The following AVL9 variants were observed in gnomAD, a reference collection of about 807,000 sequenced individuals.
AVL9 encodes the protein late secretory pathway protein AVL9 homolog.
AVL9 carries 49 observed loss-of-function variants against 79.2 expected under a neutral mutation model. The observed-to-expected ratio is 0.62, with a 90% CI of 0.49 to 0.79. AVL9 has a LOEUF of 0.79. Ranked by LOEUF, AVL9 falls within the 30% of genes least tolerant of loss-of-function variation. The pLI is 0.00. For missense variants in AVL9, 682 were observed against 776.8 expected, an observed-to-expected ratio of 0.88 and a Z score of 1.45; for synonymous variants, 299 against 280.6, an observed-to-expected ratio of 1.07 and a Z score of -0.65.
At position 32,567,629 on chromosome 7, in the gene AVL9, A is replaced by T. The variant is rs574024115; in HGVS notation, c.1216-2391A>T. 6.6e-5 allele frequency among the ~76,000 whole-genome samples: 10 copies of T among 151,908 alleles called. 1 individual carries two copies. The South Asian group carries it at 1.9e-3, about 28-fold the overall frequency. ...GTATTCTATGCAGAAACAAATGCATATTTTCCCCTCCCTTTTTACAAATGG... is the reference window on the plus strand; with the variant it reads ...GTATTCTATGCAGAAACAAATGCATTTTTTCCCCTCCCTTTTTACAAATGG... On this transcript the variant is annotated intron_variant, in intron 10 of 15. Transcript: ENST00000318709.
At chr7:32,579,557 T>TATGA (rs1554348185) in intron 13 of AVL9, among the ~76,000 whole-genome samples, 1 of 2,708 alleles carries the variant, frequency 3.7e-4, no homozygotes, top group African/African-American at 1.8e-3. Flanking sequence ...ATATTATATA[T>TATGA]TATATTATAT....
intron 1 of AVL9, chr7:32,536,306 C>A (rs1347397318): frequency 7.2e-5 from 11 of 152,154 alleles, no homozygotes; most frequent in Admixed American, 7.2e-4. Flanking sequence ...TTCTGTGGTG[C>A]TGGTTAGTTT....
At chr7:32,554,478 G>A (rs768337850) in intron 7 of AVL9, 80 bp from the exon 8 acceptor site, 1 of 838,888 alleles carries the variant, frequency 1.2e-6, no homozygotes, top group Non-Finnish European at 1.8e-6. Context: ...ACTGATTATG[G>A]TTATGTTTTA....
chr7:32,570,866 C>T (rs566845465), intron 11 of AVL9, among the ~76,000 whole-genome samples: 1 of 147,690 alleles, frequency 6.8e-6, no homozygotes, highest in Admixed American at 6.8e-5. Flanking sequence ...GGTGATCCAC[C>T]CACCTCGGCC....
intron 15 of AVL9, chr7:32,581,428 C>A (rs1429002541): frequency 2.0e-5 from 3 of 152,284 alleles, no homozygotes; most frequent in African/African-American, 7.2e-5. Flanking sequence ...ATATTGTGAA[C>A]AACTTTATGC....
intron 15 of AVL9, 57 bp downstream of exon 15, chr7:32,580,947 C>A: frequency 1.6e-6 from 2 of 1,224,096 alleles, no homozygotes; most frequent in Non-Finnish European, 2.4e-6. Context: ...CATTTTCTAT[C>A]TTTAATATGT....
At chr7:32,502,901 T>C (rs1035711193) in intron 1 of AVL9, among the ~76,000 whole-genome samples, 3 of 152,238 alleles carry the variant, frequency 2.0e-5, no homozygotes, top group African/African-American at 7.2e-5. Flanking sequence ...ATGTCAATAC[T>C]ATCCATAGTG....
intron 1 of AVL9, chr7:32,536,512 A>G (rs1010366006): frequency 3.5e-5 from 5 of 144,654 alleles, no homozygotes; most frequent in African/African-American, 1.3e-4. Context: ...AGATTTAAAT[A>G]TACCATCAAT....
chr7:32,505,738 G>GA (rs35970407), intron 1 of AVL9, among the ~76,000 whole-genome samples: 1 of 151,498 alleles, frequency 6.6e-6, no homozygotes, highest in Non-Finnish European at 1.5e-5. Flanking sequence ...ATGTAATTTA[G>GA]AAAAAAAAGA....
intron 11 of AVL9, among the ~76,000 whole-genome samples, chr7:32,571,226 T>C (rs1411135054): frequency 9.2e-6 from 1 of 108,776 alleles, no homozygotes; most frequent in African/African-American, 4.2e-5. Flanking sequence ...AGTGACCCTG[T>C]CTCAAAAAAA....
intron 1 of AVL9, chr7:32,534,336 G>C (rs1322183704): frequency 6.6e-6 from 1 of 151,980 alleles, no homozygotes; most frequent in Non-Finnish European, 1.5e-5. Context: ...CCTTTCTGGG[G>C]ATATTTGATA....
At chr7:32,579,245 CCTA>C (rs1343557800) in intron 13 of AVL9, among the ~76,000 whole-genome samples, 1 of 124,760 alleles carries the variant, frequency 8.0e-6, no homozygotes, top group Non-Finnish European at 1.6e-5. Context: ...TGATTTTTTT[CCTA>C]CTGCCTGTAT....
At chr7:32,572,086 C>T (rs1233445151) in intron 11 of AVL9, among the ~76,000 whole-genome samples, 2 of 150,928 alleles carry the variant, frequency 1.3e-5, no homozygotes, top group Non-Finnish European at 2.9e-5. Context: ...CGCTTGAACC[C>T]GGGTGGCAGA....
rs142824685 is a variant in AVL9, at chr7:32,528,539, T to C, written c.94-14602T>C. On this transcript the variant is annotated intron_variant, in intron 1 of 15. Transcript: ENST00000318709. ...TAGCCCCTTGATGGGGTACAGGCCCTCTTCACCAACCCTGAGTAGTCACCT... is the reference window on the plus strand; with the variant it reads ...TAGCCCCTTGATGGGGTACAGGCCCCCTTCACCAACCCTGAGTAGTCACCT... 3.8e-3 allele frequency among the ~76,000 whole-genome samples: 573 copies of C among 152,256 alleles called. 3 individuals carry two copies. Among genetic ancestry groups the C allele is most frequent in the African/African-American group, 0.013 (547 of 41,540 alleles).
At chr7:32,543,035 C>T in intron 1 of AVL9, 106 bp from the exon 2 acceptor site, 1 of 1,422,134 alleles carries the variant, frequency 7.0e-7, no homozygotes, top group Non-Finnish European at 9.7e-7. Context: ...TACAGTGTGG[C>T]TTATCCCGAC....
At chr7:32,563,399 G>A (rs13236605) in intron 10 of AVL9, among the ~76,000 whole-genome samples, 127,071 of 151,544 alleles carry the variant, frequency 0.84, 53,323 homozygotes, top group Middle Eastern at 0.88. Flanking sequence ...TGCTATGTGA[G>A]TAGTTACTAT....
chr7:32,542,163 G>A (rs986689279), intron 1 of AVL9, among the ~76,000 whole-genome samples: 1 of 147,820 alleles, frequency 6.8e-6, no homozygotes, highest in Non-Finnish European at 1.5e-5. Flanking sequence ...TCAAGGGTGG[G>A]AGGCAGTCTT....
intron 1 of AVL9, among the ~76,000 whole-genome samples, chr7:32,500,432 TG>T (rs1350302563): frequency 4.6e-5 from 7 of 152,184 alleles, no homozygotes; most frequent in Non-Finnish European, 4.4e-5. Flanking sequence ...TTGATGGGGT[TG>T]TTTTTTTTCT....
At chr7:32,505,536 G>C (rs1583485402) in intron 1 of AVL9, among the ~76,000 whole-genome samples, 1 of 146,726 alleles carries the variant, frequency 6.8e-6, no homozygotes, top group African/African-American at 2.5e-5. Flanking sequence ...AAAAAAAAAA[G>C]AAAGAAAGAA....
Sources: allele counts gnomAD v4.1 joint callset (sites outside exome capture counted in the v4.1 genomes callset), GRCh38; gene constraint gnomAD v4.1.1; transcripts MANE v1.5; gene names NCBI Gene and HGNC (gene_info 2026-07-23, HGNC 2026-07-21).